The following KCNQ1 variants were observed in gnomAD, a reference collection of about 807,000 sequenced individuals.
KCNQ1 encodes potassium voltage-gated channel subfamily KQT member 1.
KCNQ1 carries 49 observed loss-of-function variants against 72.4 expected under a neutral mutation model. That is an observed-to-expected ratio of 0.68 (90% CI 0.54 to 0.86). The LOEUF (loss-of-function observed/expected upper bound fraction) is 0.86, where lower values mean the gene tolerates loss of function less well. Among genes scored for constraint, KCNQ1 ranks in the 40% least tolerant of loss-of-function variants. KCNQ1 has a pLI of 0.00. For missense variants in KCNQ1, 790 were observed against 945.1 expected (o/e 0.84, Z 2.15); for synonymous variants, 450 against 412.6 (o/e 1.09, Z -1.10).
At chr11:2,761,754 GCAGTGGC>G (rs1285431236) in intron 11 of KCNQ1, among the ~76,000 whole-genome samples, 1 of 152,260 alleles carries the variant, frequency 6.6e-6, no homozygotes, top group East Asian at 1.9e-4. Flanking sequence ...TGTCACCAGA[GCAGTGGC>G]TGACCCACAG....
At position 2,492,392 on chromosome 11, in the gene KCNQ1, C is replaced by T. The variant is rs958024632; in HGVS notation, c.387-35536C>T. Among the ~76,000 whole-genome samples, 9 of 152,260 alleles carry T rather than the reference C, an allele frequency of 5.9e-5. No individual in the cohort carries two copies. The highest frequency in any genetic ancestry group is 3.9e-4 in the East Asian group (2 of 5,178). Reference sequence around the variant, plus strand: ...TAAGTTCTGGAATACGTGTGCTGAACGTGCAGGTTTGTTACATACGTATAC... The same window carrying T: ...TAAGTTCTGGAATACGTGTGCTGAATGTGCAGGTTTGTTACATACGTATAC... On this transcript the variant is annotated intron_variant, in intron 1 of 15. Coordinates refer to ENST00000155840, the MANE Select transcript of KCNQ1 (RefSeq NM_000218.3). The surrounding 1 kb of genome is among the most constrained non-coding windows in gnomAD (Gnocchi z 4.1).
intron 8 of KCNQ1, among the ~76,000 whole-genome samples, chr11:2,586,313 C>A (rs1444495478): frequency 6.6e-6 from 1 of 152,254 alleles, no homozygotes; most frequent in Admixed American, 6.5e-5. Flanking sequence ...AGTCCTCCTG[C>A]ACTCCTGGCT....
At chr11:2,788,867 T>C (rs1265434362) in intron 15 of KCNQ1, among the ~76,000 whole-genome samples, 2 of 152,144 alleles carry the variant, frequency 1.3e-5, no homozygotes, top group African/African-American at 4.8e-5. Flanking sequence ...CGCCACCCTG[T>C]TCCTGCACAG....
chr11:2,617,756 A>G lies in KCNQ1; in HGVS notation c.1393+28902A>G. The G allele has an allele frequency of 2.5e-6, 1 of 398,442 alleles. No individual in the cohort carries two copies. 24.7% of individuals were successfully genotyped at this position (398,442 alleles called of 1,614,324 possible). ...GAGTGTGAGGTGATATCGCATAGTA[A>G]TTTTGATTTGCATTTCCCTGACGAT... On this transcript the variant is annotated intron_variant, in intron 10 of 15. Coordinates refer to ENST00000155840, the MANE Select transcript of KCNQ1 (RefSeq NM_000218.3). The surrounding 1 kb of genome is among the most constrained non-coding windows in gnomAD (Gnocchi z 4.6).
intron 10 of KCNQ1, among the ~76,000 whole-genome samples, chr11:2,590,778 T>C (rs1354385601): frequency 1.3e-5 from 2 of 152,146 alleles, no homozygotes; most frequent in Non-Finnish European, 2.9e-5. Context: ...CCATGCCCCA[T>C]GGGAGGGCTC....
At chr11:2,529,320 T>G (rs995298594) in intron 2 of KCNQ1, among the ~76,000 whole-genome samples, 2 of 152,174 alleles carry the variant, frequency 1.3e-5, no homozygotes, top group Non-Finnish European at 2.9e-5. Flanking sequence ...CAGGGCTTTC[T>G]TTTTCGGGGG....
Position 2,565,414 on chromosome 11 carries a change from ATCT to A in KCNQ1, c.478-5208_478-5206del, listed in dbSNP as rs750078840. ...CCGTGTGCCTCTTGGCCATCTGTGT[ATCT>A]TCTTCACAGAAATGACTGTCCAAGC... On this transcript the variant is annotated intron_variant, in intron 2 of 15. Coordinates refer to ENST00000155840, the MANE Select transcript of KCNQ1 (RefSeq NM_000218.3). This position sits in a 1 kb window ranked among gnomAD's most constrained non-coding sequence, Gnocchi z 5.6. Among the ~76,000 whole-genome samples, 36 of 152,284 alleles carry A rather than the reference ATCT, an allele frequency of 2.4e-4. No homozygotes were observed. Among genetic ancestry groups the A allele is most frequent in the Non-Finnish European group, 5.1e-4 (35 of 68,022 alleles).
Position 2,457,162 on chromosome 11 carries a change from G to T in KCNQ1, c.386+11678G>T, listed in dbSNP as rs1041485759. ...TCTCAAAACAACAGATGCTGGAGAG[G>T]CAGTAGAGAAAGGGGAACACTTACA... On this transcript the variant is annotated intron_variant, in intron 1 of 15. Transcript: ENST00000155840. This position sits in a 1 kb window ranked among gnomAD's most constrained non-coding sequence, Gnocchi z 5.0. Among the ~76,000 whole-genome samples the T allele has an allele frequency of 6.6e-6, 1 of 152,116 alleles. No homozygotes were observed.
At position 2,830,649 on chromosome 11, in the gene KCNQ1, G is replaced by A. The variant is rs1847929893; in HGVS notation, c.1795-17118G>A. The stretch of plus-strand genomic sequence containing the variant: ...GGGCCAGCCCAGGACCTCCTTCCTG[G>A]GTGGAGACCTTCCCACCCTTCCACT... On this transcript the variant is annotated intron_variant, in intron 15 of 15. Transcript: ENST00000155840. This position sits in a 1 kb window ranked among gnomAD's most constrained non-coding sequence, Gnocchi z 7.7. Among the ~76,000 whole-genome samples the A allele has an allele frequency of 6.6e-6, 1 of 152,094 alleles. No individual in the cohort carries two copies. Among genetic ancestry groups the A allele is most frequent in the South Asian group, 2.1e-4 (1 of 4,834 alleles).
intron 1 of KCNQ1, among the ~76,000 whole-genome samples, chr11:2,523,264 G>A (rs1374628707): frequency 6.6e-6 from 1 of 151,740 alleles, no homozygotes. Context: ...CGCGATCTCG[G>A]CTCACTGCAA....
Position 2,659,531 on chromosome 11 carries a change from A to G in KCNQ1, c.1394-2430A>G. On this transcript the variant is annotated intron_variant, in intron 10 of 15. Transcript: ENST00000155840. This position sits in a 1 kb window ranked among gnomAD's most constrained non-coding sequence, Gnocchi z 4.3. Reference sequence around the variant, plus strand: ...GTTGAAGGACATCTTCATTGTTTCCAGTATTTGGTAATTATGAGCAGAGTT... The same window carrying G: ...GTTGAAGGACATCTTCATTGTTTCCGGTATTTGGTAATTATGAGCAGAGTT... 2.5e-6 allele frequency: 1 copy of G among 398,526 alleles called. No homozygotes were observed. Among genetic ancestry groups the G allele is most frequent in the East Asian group, 3.6e-5 (1 of 28,050 alleles). 24.7% of individuals were successfully genotyped at this position (398,526 alleles called of 1,614,324 possible). A position where few individuals can be genotyped will look rare whatever the true frequency, so the allele number is the denominator to read the frequency against.
At chr11:2,649,341 T>G in intron 10 of KCNQ1, 1 of 398,554 alleles carries the variant, frequency 2.5e-6, no homozygotes, top group Non-Finnish European at 4.4e-6. Context: ...AATCTTTTAT[T>G]CCTTTTCCTT....
Position 2,828,543 on chromosome 11 carries a change from C to G in KCNQ1, c.1795-19224C>G, listed in dbSNP as rs1489013932. 6.6e-6 allele frequency among the ~76,000 whole-genome samples: 1 copy of G among 152,100 alleles called. No individual in the cohort carries two copies. On this transcript the variant is annotated intron_variant, in intron 15 of 15. Coordinates refer to ENST00000155840, the MANE Select transcript of KCNQ1 (RefSeq NM_000218.3). The surrounding 1 kb of genome is among the most constrained non-coding windows in gnomAD (Gnocchi z 5.3). The stretch of plus-strand genomic sequence containing the variant: ...CAAGCCCTGCAGGAAGAAGAGCCAC[C>G]AAGAATGAGGCAGTTCCCAACCCAG...
Position 2,446,561 on chromosome 11 carries a change from C to T in KCNQ1, c.386+1077C>T, listed in dbSNP as rs1031721252. On this transcript the variant is annotated intron_variant, in intron 1 of 15. Transcript: ENST00000155840. The surrounding 1 kb of genome is among the most constrained non-coding windows in gnomAD (Gnocchi z 8.8). ...GGCAGCTGCCACCAGGGCCTCAGGG[C>T]GGGTGACAGCAGGAGCCAGGCCCCA... 3.5e-4 allele frequency among the ~76,000 whole-genome samples: 54 copies of T among 152,246 alleles called. No individual in the cohort carries two copies. Among genetic ancestry groups the T allele is most frequent in the African/African-American group, 1.1e-3 (47 of 41,546 alleles).
In KCNQ1 at chr11:2,687,929, C is replaced by T. The variant is rs572663324; in HGVS notation, c.1514+25848C>T. 3.0e-5 allele frequency: 12 copies of T among 398,776 alleles called. No homozygotes were observed. Among genetic ancestry groups the T allele is most frequent in the Admixed American group, 1.8e-4 (4 of 22,746 alleles). 24.7% of individuals were successfully genotyped at this position (398,776 alleles called of 1,614,324 possible). The stretch of plus-strand genomic sequence containing the variant: ...AAAATCCCCAGCAGTTGTGAGGCTG[C>T]ACTTCTCCCACCCGCTGTGGGTCAG... On this transcript the variant is annotated intron_variant, in intron 11 of 15. Coordinates refer to ENST00000155840, the MANE Select transcript of KCNQ1 (RefSeq NM_000218.3). The surrounding 1 kb of genome is among the most constrained non-coding windows in gnomAD (Gnocchi z 5.0).
chr11:2,838,876 G>A (rs1554930870), intron 15 of KCNQ1, among the ~76,000 whole-genome samples: 1 of 152,176 alleles, frequency 6.6e-6, no homozygotes, highest in Non-Finnish European at 1.5e-5. Flanking sequence ...CAGCGGCAGA[G>A]AATCAAATGC....
intron 6 of KCNQ1, among the ~76,000 whole-genome samples, chr11:2,575,472 G>T (rs561983904): frequency 6.6e-6 from 1 of 152,206 alleles, no homozygotes; most frequent in Admixed American, 6.5e-5. Context: ...TGTGTTCCTG[G>T]CATTTCTCGG....
Position 2,668,576 on chromosome 11 carries a change from T to G in KCNQ1, c.1514+6495T>G, listed in dbSNP as rs558660915. On this transcript the variant is annotated intron_variant, in intron 11 of 15. Coordinates refer to ENST00000155840, the MANE Select transcript of KCNQ1 (RefSeq NM_000218.3). The surrounding 1 kb of genome is among the most constrained non-coding windows in gnomAD (Gnocchi z 4.3). ...TTGAGTCCCTTTCCATGTTATCATT[T>G]AGTCAGATACATCATTCTGTATAAA... 2.5e-6 allele frequency: 1 copy of G among 398,672 alleles called. No homozygotes were observed. The highest frequency in any genetic ancestry group is 2.1e-5 in the African/African-American group (1 of 48,770). 24.7% of individuals were successfully genotyped at this position (398,672 alleles called of 1,614,324 possible).
chr11:2,776,634 C>T (rs578261723), intron 13 of KCNQ1, among the ~76,000 whole-genome samples: 249 of 152,268 alleles, frequency 1.6e-3, no homozygotes, highest in African/African-American at 5.5e-3. Context: ...GAACTAGCTC[C>T]GTGTGTTACA....
Sources: gnomAD v4.1 joint callset for allele counts (sites outside exome capture counted in the v4.1 genomes callset) on GRCh38, gnomAD v4.1.1 for gene constraint, Gnocchi (gnomAD v3.1) non-coding constraint, MANE v1.5 for transcripts, NCBI Gene and HGNC (gene_info 2026-07-23, HGNC 2026-07-21) for gene names.